PCDHGB2: variants seen among roughly 807,000 people sequenced by gnomAD.
PCDHGB2 encodes protocadherin gamma subfamily B, 2.
Under a neutral mutation model 59.3 loss-of-function variants are expected in PCDHGB2, and 55 were observed. The ratio of observed to expected loss-of-function variants is 0.93; its 90% CI spans 0.75 to 1.16. The LOEUF is 1.16. Among genes scored for constraint, PCDHGB2 ranks in the 50% most tolerant of loss-of-function variants. The probability of loss-of-function intolerance (pLI) is 0.00; values close to 1 mark genes in which losing one functional copy is unlikely to be tolerated. For synonymous variants in PCDHGB2, 516 were observed against 512.0 expected, an observed-to-expected ratio of 1.01 and a Z score of -0.11; for missense variants, 1,228 against 1,198.5, an observed-to-expected ratio of 1.02 and a Z score of -0.36.
At chr5:141,405,489 G>A (rs1008095215) in intron 1 of PCDHGB2, 51 of 894,082 alleles carry the variant, frequency 5.7e-5, no homozygotes, top group Non-Finnish European at 7.7e-5. Context: ...GTGTGATCTC[G>A]GCTCATTGCA....
At chr5:141,452,879 A>C (rs1389712789) in intron 1 of PCDHGB2, among the ~76,000 whole-genome samples, 1 of 152,200 alleles carries the variant, frequency 6.6e-6, no homozygotes, top group Admixed American at 6.5e-5. Context: ...CATTTGTAAT[A>C]ATTTATTCCA....
chr5:141,472,542 G>GA (rs904556404), intron 1 of PCDHGB2, among the ~76,000 whole-genome samples: 21 of 147,124 alleles, frequency 1.4e-4, no homozygotes, highest in Admixed American at 7.4e-4. Flanking sequence ...ACCATCTCAA[G>GA]AAAAAAAAAA....
chr5:141,467,042 G>T (rs2099134710), intron 1 of PCDHGB2, among the ~76,000 whole-genome samples: 1 of 149,884 alleles, frequency 6.7e-6, no homozygotes. Context: ...TTTGTGTAAT[G>T]AATCAATGTT....
At chr5:141,458,103 T>TA (rs1401283935) in intron 1 of PCDHGB2, among the ~76,000 whole-genome samples, 2 of 152,212 alleles carry the variant, frequency 1.3e-5, no homozygotes, top group Non-Finnish European at 2.9e-5. Context: ...TACTTACAGA[T>TA]AGTCTCCAAA....
chr5:141,421,680 G>A (rs2096591907), intron 1 of PCDHGB2: 5 of 1,613,758 alleles, frequency 3.1e-6, no homozygotes, highest in Non-Finnish European at 4.2e-6. Context: ...TTCCTGGGGC[G>A]CGATTTGCTC....
chr5:141,494,812 C>G lies in PCDHGB2; in HGVS notation c.2427C>G (p.Ala809=). The part of the protein sequence containing the change: ...PFASDTILKQ[A]PPNTDWRFSQ... ...TCCCTCTGTTTTCTCCACAGCAAGCCCCGCCCAACACGGACTGGCGTTTCT... is the reference window on the plus strand; with the variant it reads ...TCCCTCTGTTTTCTCCACAGCAAGCGCCGCCCAACACGGACTGGCGTTTCT... The change falls in exon 2 of 4, where the codon GCC becomes GCG. Residue 809 remains alanine, a synonymous_variant. Coordinates refer to ENST00000522605, the MANE Select transcript of PCDHGB2 (RefSeq NM_018923.3). 4 of 1,614,146 alleles carry G rather than the reference C, an allele frequency of 2.5e-6. No homozygotes were observed. The highest frequency in any genetic ancestry group is 3.4e-6 in the Non-Finnish European group (4 of 1,180,016).
intron 1 of PCDHGB2, among the ~76,000 whole-genome samples, chr5:141,379,887 CTCTTTTTTTTTTT>C (rs1775930082): frequency 1.2e-5 from 1 of 84,268 alleles, no homozygotes; most frequent in African/African-American, 5.0e-5. Context: ...CTGTGAAAGC[CTCTTTTTTTTTTT>C]TTTTTTTTTT....
intron 1 of PCDHGB2, among the ~76,000 whole-genome samples, chr5:141,454,628 A>C (rs1008375225): frequency 1.3e-4 from 19 of 151,334 alleles, no homozygotes; most frequent in African/African-American, 4.4e-4. Context: ...CTGGTCTCGA[A>C]CCCCCAACCT....
chr5:141,385,141 G>A (rs1183220869), intron 1 of PCDHGB2: 30 of 1,614,084 alleles, frequency 1.9e-5, no homozygotes, highest in African/African-American at 6.7e-5. Context: ...CGGGGTGCAG[G>A]CTTTCCTGCA....
At chr5:141,445,313 T>C (rs1186654847) in intron 1 of PCDHGB2, among the ~76,000 whole-genome samples, 8 of 152,328 alleles carry the variant, frequency 5.3e-5, no homozygotes, top group Non-Finnish European at 4.4e-5. Flanking sequence ...GTTTGTAGGT[T>C]GAGAGAACCC....
intron 1 of PCDHGB2, chr5:141,419,876 C>T (rs1219393740): frequency 1.4e-5 from 23 of 1,614,084 alleles, no homozygotes; most frequent in Non-Finnish European, 1.9e-5. Flanking sequence ...AGAGGTACTG[C>T]CGGATTTCAG....
chr5:141,479,277 TC>T (rs2099491823), intron 1 of PCDHGB2: 1 of 152,362 alleles, frequency 6.6e-6, no homozygotes, highest in African/African-American at 2.4e-5. Flanking sequence ...ATAATTTATT[TC>T]AAAAATAAAT....
chr5:141,405,533 C>T (rs2094681755), intron 1 of PCDHGB2: 2 of 648,174 alleles, frequency 3.1e-6, no homozygotes. Context: ...GATTCTCCTG[C>T]CTCAGCCTCC....
In PCDHGB2 at chr5:141,489,201, G is replaced by A. The variant is rs757039294; in HGVS notation, c.2422-5606G>A. ...AGCCCTGGGTCTACCTTGGAGACAG[G>A]ACAGCACAGACTTACTCTCCACAAA... On this transcript the variant is annotated intron_variant, in intron 1 of 3. Coordinates refer to ENST00000522605, the MANE Select transcript of PCDHGB2 (RefSeq NM_018923.3). This position sits in a 1 kb window ranked among gnomAD's most constrained non-coding sequence, Gnocchi z 4.5. The A allele has an allele frequency of 7.8e-6, 11 of 1,416,092 alleles. No individual in the cohort carries two copies. In the African/African-American group the frequency reaches 1.3e-4, roughly 17 times the overall value. 87.7% of individuals were successfully genotyped at this position (1,416,092 alleles called of 1,614,324 possible).
chr5:141,404,594 T>C (rs778412256), intron 1 of PCDHGB2: 6 of 1,614,050 alleles, frequency 3.7e-6, no homozygotes, highest in South Asian at 1.1e-5. Flanking sequence ...CAATGTGTCA[T>C]TGAGACTGTT....
chr5:141,471,730 G>A (rs535784858), intron 1 of PCDHGB2, among the ~76,000 whole-genome samples: 1 of 152,292 alleles, frequency 6.6e-6, no homozygotes, highest in East Asian at 1.9e-4. Context: ...GGTAAGGAAG[G>A]TTGGAGACAT....
At chr5:141,456,777 A>G (rs572940615) in intron 1 of PCDHGB2, among the ~76,000 whole-genome samples, 2 of 152,214 alleles carry the variant, frequency 1.3e-5, no homozygotes, top group Admixed American at 6.5e-5. Flanking sequence ...AGCCTGGCCT[A>G]CATGGCAAAA....
In PCDHGB2 at chr5:141,374,709, G is replaced by T. The variant is rs774211225; in HGVS notation, c.2421+12153G>T. 6.8e-6 allele frequency: 11 copies of T among 1,608,934 alleles called. No individual in the cohort carries two copies. The African/African-American group carries it at 8.0e-5, about 12-fold the overall frequency. On this transcript the variant is annotated intron_variant, in intron 1 of 3. Coordinates refer to ENST00000522605, the MANE Select transcript of PCDHGB2 (RefSeq NM_018923.3). ...GACCGGGAAGGAGAAGCCGTTTACC[G>T]CCTGGTCCTTACTGCCATGGATGGC...
chr5:141,401,730 T>C (rs1448734124), intron 1 of PCDHGB2, among the ~76,000 whole-genome samples: 4 of 152,204 alleles, frequency 2.6e-5, no homozygotes, highest in African/African-American at 4.8e-5. Context: ...ACTACTAGTC[T>C]TGTGTACATA....
Sources: allele counts gnomAD v4.1 joint callset (sites outside exome capture counted in the v4.1 genomes callset), GRCh38; gene constraint gnomAD v4.1.1; non-coding constraint Gnocchi (gnomAD v3.1); transcripts MANE v1.5; gene names NCBI Gene and HGNC (gene_info 2026-07-23, HGNC 2026-07-21).